The following RGS6 variants were observed in gnomAD, a reference collection of about 807,000 sequenced individuals.
RGS6 encodes the protein regulator of G protein signaling 6.
A neutral mutation model predicts 78.5 loss-of-function variants in RGS6; 30 were observed. The observed-to-expected ratio is 0.38, with a 90% confidence interval of 0.29 to 0.52. RGS6 has a LOEUF of 0.52. Among genes scored for constraint, RGS6 ranks in the 20% least tolerant of loss-of-function variants. The probability of loss-of-function intolerance (pLI) is 0.85; values close to 1 mark genes in which losing one functional copy is unlikely to be tolerated. For missense variants in RGS6, 495 were observed against 609.7 expected (o/e 0.81, Z 1.98); for synonymous variants, 206 against 206.0 (o/e 1.00, Z 0.00).
At chr14:72,122,791 C>T (rs116600373) in intron 2 of RGS6, among the ~76,000 whole-genome samples, 1,509 of 141,068 alleles carry the variant, frequency 0.011, 21 homozygotes, top group African/African-American at 0.038. Context: ...CTTTTTTATG[C>T]TTAAGGTACA....
Position 72,289,600 on chromosome 14 carries a change from A to G in RGS6, c.85-62495A>G, listed in dbSNP as rs191572845. On this transcript the variant is annotated intron_variant, in intron 2 of 17. Coordinates refer to ENST00000553525, the MANE Select transcript of RGS6 (RefSeq NM_001204424.2). ...GAACCTCATGTTCACGCTGGGAGGT[A>G]GTTACTACTACCTTTTTCAAATGCT... is the stretch of plus-strand genomic sequence containing the variant. 9.8e-5 allele frequency among the ~76,000 whole-genome samples: 15 copies of G among 152,302 alleles called. No individual in the cohort carries two copies. The East Asian group carries it at 2.5e-3, about 25-fold the overall frequency.
chr14:72,345,618 T>G (rs2681734), intron 2 of RGS6, among the ~76,000 whole-genome samples: 70,492 of 152,016 alleles, frequency 0.46, 16,655 homozygotes, highest in South Asian at 0.6. Flanking sequence ...CCCATGCTTA[T>G]CTTAGCTTCA....
At chr14:72,091,693 G>A (rs914946497) in intron 2 of RGS6, among the ~76,000 whole-genome samples, 12 of 152,148 alleles carry the variant, frequency 7.9e-5, no homozygotes, top group Admixed American at 5.2e-4. Flanking sequence ...CGGAGAAGCT[G>A]CCAGGAGAGC....
At chr14:72,207,303 T>C (rs773812187) in intron 2 of RGS6, among the ~76,000 whole-genome samples, 6 of 152,232 alleles carry the variant, frequency 3.9e-5, no homozygotes, top group Non-Finnish European at 8.8e-5. Context: ...TGCCAGTAGA[T>C]ATTCAGTTAT....
At chr14:72,494,359 T>C (rs1011583237) in intron 12 of RGS6, among the ~76,000 whole-genome samples, 3 of 152,094 alleles carry the variant, frequency 2.0e-5, no homozygotes, top group African/African-American at 7.2e-5. Context: ...GAAAGATAAA[T>C]TCTTGTCTAA....
Position 71,941,747 on chromosome 14 carries a change from G to A in RGS6, c.-21+8806G>A, listed in dbSNP as rs558209787. On this transcript the variant is annotated intron_variant, in intron 1 of 17. Coordinates refer to ENST00000553525, the MANE Select transcript of RGS6 (RefSeq NM_001204424.2). ...AGATTGTGCCCACCAGATTAAGGGT[G>A]GATCTGCCTTCCCCAGCCCAATGAC... 3.3e-5 allele frequency among the ~76,000 whole-genome samples: 5 copies of A among 152,308 alleles called. No individual in the cohort carries two copies. In the South Asian group the frequency reaches 1.0e-3, roughly 32 times the overall value.
chr14:72,413,800 A>G (rs1180621279), intron 3 of RGS6, among the ~76,000 whole-genome samples: 1 of 152,044 alleles, frequency 6.6e-6, no homozygotes, highest in African/African-American at 2.4e-5. Context: ...CTTGTCTGTA[A>G]AGTATTTTAT....
In RGS6 at chr14:72,562,536, G is replaced by T. The variant is rs1477076248; in HGVS notation, c.*69G>T. 5.6e-6 allele frequency: 9 copies of T among 1,598,760 alleles called. No individual in the cohort carries two copies. In the South Asian group the frequency reaches 1.0e-4, roughly 18 times the overall value. Reference sequence around the variant, plus strand: ...AGGCAGGCGGCGGCGCTCCACATCTGCGGACAGAGTTTCCTTACGAGGAGA... The same window carrying T: ...AGGCAGGCGGCGGCGCTCCACATCTTCGGACAGAGTTTCCTTACGAGGAGA... On this transcript the variant is annotated 3_prime_UTR_variant, in exon 18 of 18. Coordinates refer to ENST00000553525, the MANE Select transcript of RGS6 (RefSeq NM_001204424.2).
intron 3 of RGS6, among the ~76,000 whole-genome samples, chr14:72,385,901 T>C (rs2087808836): frequency 6.6e-6 from 1 of 152,148 alleles, no homozygotes; most frequent in Non-Finnish European, 1.5e-5. Flanking sequence ...TGAACGAGGG[T>C]GGAAGAAAGC....
At chr14:71,927,953 C>T (rs1239597007), upstream of RGS6, among the ~76,000 whole-genome samples, 5 of 152,194 alleles carry the variant, frequency 3.3e-5, no homozygotes, top group East Asian at 9.7e-4. Context: ...CCACCGCGCC[C>T]GGCCAAGAAT....
the RGS6 span, among the ~76,000 whole-genome samples, chr14:71,890,352 A>G: frequency 1.2e-4 from 7 of 60,826 alleles, no homozygotes; most frequent in African/African-American, 2.4e-4. Context: ...GTGCGTGTGC[A>G]TAAGACAGAG....
At chr14:72,376,262 G>T (rs192215473) in intron 3 of RGS6, among the ~76,000 whole-genome samples, 1 of 152,078 alleles carries the variant, frequency 6.6e-6, no homozygotes, top group East Asian at 1.9e-4. Context: ...AGCAGAATTT[G>T]TTCTTACTTG....
At chr14:72,526,383 G>T (rs1399197929) in intron 15 of RGS6, among the ~76,000 whole-genome samples, 1 of 152,144 alleles carries the variant, frequency 6.6e-6, no homozygotes, top group African/African-American at 2.4e-5. Context: ...GGGATTACAG[G>T]CATGAGCCAC....
chr14:72,492,337 G>A (rs906826183), intron 12 of RGS6, among the ~76,000 whole-genome samples: 21 of 152,158 alleles, frequency 1.4e-4, no homozygotes, highest in African/African-American at 5.1e-4. Context: ...AACAGACTGA[G>A]GGGAGGAAAC....
At chr14:72,406,394 T>A (rs1227387483) in intron 3 of RGS6, among the ~76,000 whole-genome samples, 2 of 150,772 alleles carry the variant, frequency 1.3e-5, no homozygotes, top group Middle Eastern at 3.4e-3. Context: ...AAAAAAAAAA[T>A]AAGAAACTGC....
chr14:72,350,918 A>G (rs1433057188), intron 2 of RGS6, among the ~76,000 whole-genome samples: 2 of 152,166 alleles, frequency 1.3e-5, no homozygotes, highest in South Asian at 2.1e-4. Flanking sequence ...AATTTTTAAT[A>G]TATTTTAGCT....
chr14:72,394,032 C>A (rs1032914744), intron 3 of RGS6, among the ~76,000 whole-genome samples: 2 of 152,108 alleles, frequency 1.3e-5, no homozygotes, highest in Admixed American at 6.6e-5. Flanking sequence ...GCTAAGAAAA[C>A]CTTTGTAAAT....
At chr14:71,885,775 A>G in the RGS6 span, among the ~76,000 whole-genome samples, 1 of 145,042 alleles carries the variant, frequency 6.9e-6, no homozygotes, top group Non-Finnish European at 1.5e-5. Flanking sequence ...TGCTGTCTCT[A>G]CTTTTAGAGA....
the RGS6 span, among the ~76,000 whole-genome samples, chr14:72,604,627 C>T: frequency 6.6e-6 from 1 of 152,112 alleles, no homozygotes; most frequent in African/African-American, 2.4e-5. Flanking sequence ...GAACATGCAC[C>T]TCTGTGGACA....
Sources: gnomAD v4.1 joint callset for allele counts (sites outside exome capture counted in the v4.1 genomes callset) on GRCh38, gnomAD v4.1.1 for gene constraint, MANE v1.5 for transcripts, NCBI Gene and HGNC (gene_info 2026-07-23, HGNC 2026-07-21) for gene names.